Variants in PRDM10 observed in about 807,000 individuals in gnomAD.
PRDM10 encodes the protein PR domain zinc finger protein 10.
In PRDM10, 65 loss-of-function variants were observed where a neutral mutation model predicts 133.1. The observed-to-expected ratio is 0.49, with a 90% CI of 0.40 to 0.60. The LOEUF (loss-of-function observed/expected upper bound fraction) is 0.60, where lower values mean the gene tolerates loss of function less well. Among genes scored for constraint, PRDM10 ranks in the 20% least tolerant of loss-of-function variants. The probability of loss-of-function intolerance (pLI) is 0.00; values close to 1 mark genes in which losing one functional copy is unlikely to be tolerated. For synonymous variants in PRDM10, 582 were observed against 580.4 expected, an observed-to-expected ratio of 1.00 and a Z score of -0.04; for missense variants, 1,137 against 1,507.1, an observed-to-expected ratio of 0.75 and a Z score of 4.07.
At chr11:129,931,320 G>A (rs1409251824) in intron 10 of PRDM10, 62 bp from the exon 11 acceptor site, 1 of 1,532,750 alleles carries the variant, frequency 6.5e-7, no homozygotes, top group Non-Finnish European at 8.8e-7. Context: ...CTCAGATTTA[G>A]AATTGCTGCT....
intron 13 of PRDM10, among the ~76,000 whole-genome samples, chr11:129,919,929 G>A (rs1413131180): frequency 2.0e-5 from 3 of 152,150 alleles, no homozygotes; most frequent in African/African-American, 4.8e-5. Flanking sequence ...TATCCCACCC[G>A]CCTTCATTTC....
chr11:129,932,291 G>T (rs543228493), intron 9 of PRDM10, 60 bp from the exon 10 acceptor site: 2 of 1,582,600 alleles, frequency 1.3e-6, no homozygotes. Context: ...ATAACAAGTA[G>T]CGACCTAAAT....
intron 19 of PRDM10, among the ~76,000 whole-genome samples, chr11:129,906,487 G>A (rs551757865): frequency 1.5e-4 from 23 of 152,162 alleles, no homozygotes; most frequent in African/African-American, 4.1e-4. Flanking sequence ...ACCATAAGAC[G>A]TGCACACACA....
At chr11:129,920,287 T>C (rs1950485383) in intron 13 of PRDM10, among the ~76,000 whole-genome samples, 1 of 152,176 alleles carries the variant, frequency 6.6e-6, no homozygotes, top group Admixed American at 6.5e-5. Context: ...CTTTCCATCC[T>C]AACATCCCCC....
intron 11 of PRDM10, among the ~76,000 whole-genome samples, chr11:129,929,233 C>A (rs550138692): frequency 1.3e-5 from 2 of 152,302 alleles, no homozygotes; most frequent in African/African-American, 4.8e-5. Context: ...GAACCTGCAG[C>A]CCACAATTTA....
At chr11:129,934,176 C>A (rs998510784) in intron 9 of PRDM10, among the ~76,000 whole-genome samples, 1 of 152,240 alleles carries the variant, frequency 6.6e-6, no homozygotes, top group Non-Finnish European at 1.5e-5. Context: ...CAATTCCCTG[C>A]CTGCTCTGCA....
intron 1 of PRDM10, among the ~76,000 whole-genome samples, chr11:129,978,868 C>T (rs1937937946): frequency 6.6e-6 from 1 of 152,054 alleles, no homozygotes; most frequent in African/African-American, 2.4e-5. Context: ...TTTCATGTAC[C>T]AAAAAACAAA....
intron 19 of PRDM10, among the ~76,000 whole-genome samples, chr11:129,908,446 T>C (rs1294184206): frequency 2.0e-5 from 3 of 152,218 alleles, no homozygotes; most frequent in Non-Finnish European, 4.4e-5. Context: ...TTCTCCACCC[T>C]GGACGACAGA....
Position 129,945,796 on chromosome 11 carries a change from C to T in PRDM10, c.521-784G>A, listed in dbSNP as rs59866542. Among the ~76,000 whole-genome samples, 7,415 of 152,266 alleles carry T rather than the reference C, an allele frequency of 0.049. 518 individuals are homozygous for T. Among genetic ancestry groups the T allele is most frequent in the African/African-American group, 0.16 (6,485 of 41,522 alleles). On this transcript the variant is annotated intron_variant, in intron 5 of 20. Coordinates refer to ENST00000360871, the MANE Select transcript of PRDM10 (RefSeq NM_199437.2). This position sits in a 1 kb window ranked among gnomAD's most constrained non-coding sequence, Gnocchi z 4.2. ...CACAACCCTTAACACACTTAACATG[C>T]TTTACCTTACTCCAGCTGCATGGTG...
intron 1 of PRDM10, among the ~76,000 whole-genome samples, chr11:129,967,819 G>A (rs766876923): frequency 6.6e-6 from 1 of 152,098 alleles, no homozygotes; most frequent in Non-Finnish European, 1.5e-5. Context: ...GGCTGGGCAG[G>A]CGCCAGACAA....
At chr11:129,920,742 G>T (rs934582841) in intron 13 of PRDM10, among the ~76,000 whole-genome samples, 1 of 151,654 alleles carries the variant, frequency 6.6e-6, no homozygotes, top group Non-Finnish European at 1.5e-5. Context: ...CCCATGAATG[G>T]ATTCAAAAGT....
At chr11:130,001,977 G>A (rs1227865543) in intron 1 of PRDM10, among the ~76,000 whole-genome samples, 1 of 151,468 alleles carries the variant, frequency 6.6e-6, no homozygotes, top group Non-Finnish European at 1.5e-5. Flanking sequence ...CCCGGTCCCG[G>A]ACGCTAGCTT....
At chr11:129,966,881 A>G (rs1369364803) in intron 1 of PRDM10, among the ~76,000 whole-genome samples, 1 of 152,204 alleles carries the variant, frequency 6.6e-6, no homozygotes, top group Non-Finnish European at 1.5e-5. Flanking sequence ...AGAGAATGAT[A>G]CTGTGTGGAA....
intron 1 of PRDM10, among the ~76,000 whole-genome samples, chr11:129,965,318 C>T (rs1951884243): frequency 6.6e-6 from 1 of 152,028 alleles, no homozygotes; most frequent in East Asian, 1.9e-4. Flanking sequence ...GATAGTAAGG[C>T]TTGTCATATT....
intron 4 of PRDM10, among the ~76,000 whole-genome samples, chr11:129,950,977 A>C: frequency 6.6e-6 from 1 of 152,228 alleles, no homozygotes; most frequent in East Asian, 1.9e-4. Flanking sequence ...GCAAAAGGAA[A>C]TGCTTAAACA....
intron 1 of PRDM10, among the ~76,000 whole-genome samples, chr11:129,988,854 C>T (rs537031538): frequency 5.7e-4 from 87 of 151,566 alleles, no homozygotes; most frequent in African/African-American, 2.0e-3. Context: ...TGGTCTCGAT[C>T]TCCTGACCTC....
intron 7 of PRDM10, among the ~76,000 whole-genome samples, chr11:129,940,354 ACATT>A (rs1437042435): frequency 6.6e-6 from 1 of 152,196 alleles, no homozygotes; most frequent in Non-Finnish European, 1.5e-5. Context: ...CCTCTGATTA[ACATT>A]CAATGATTAG....
In PRDM10 at chr11:129,918,524, C is replaced by T; in HGVS notation, c.2214+15G>A. On this transcript the variant is annotated intron_variant, in intron 14 of 20. Coordinates refer to ENST00000360871, the MANE Select transcript of PRDM10 (RefSeq NM_199437.2). This position sits in a 1 kb window ranked among gnomAD's most constrained non-coding sequence, Gnocchi z 5.3. ...GCTGGGAAGACAGAGGAACCCGCAG[C>T]CACTGGGCACTGACCAGCATGCCGC... 2 of 1,608,174 alleles carry T rather than the reference C, an allele frequency of 1.2e-6. No homozygotes were observed. The highest frequency in any genetic ancestry group is 2.2e-5 in the East Asian group (1 of 44,752).
intron 1 of PRDM10, among the ~76,000 whole-genome samples, chr11:129,989,771 A>G (rs964747784): frequency 6.6e-6 from 1 of 152,228 alleles, no homozygotes; most frequent in Non-Finnish European, 1.5e-5. Context: ...GAGGAAAATC[A>G]TTCTAGAGCA....
Sources: allele counts gnomAD v4.1 joint callset (sites outside exome capture counted in the v4.1 genomes callset), GRCh38; gene constraint gnomAD v4.1.1; non-coding constraint Gnocchi (gnomAD v3.1); transcripts MANE v1.5; gene names NCBI Gene and HGNC (gene_info 2026-07-23, HGNC 2026-07-21).